Variants in HMGXB4 observed in about 807,000 individuals in gnomAD.
HMGXB4 encodes the protein HMG-box containing 4.
HMGXB4 carries 27 observed loss-of-function variants against 63.9 expected under a neutral mutation model. The ratio of observed to expected loss-of-function variants is 0.42; its 90% confidence interval spans 0.31 to 0.58. HMGXB4 has a LOEUF of 0.58. HMGXB4 is among the 20% of genes least tolerant of loss of function. The probability of loss-of-function intolerance (pLI) is 0.13; values close to 1 mark genes in which losing one functional copy is unlikely to be tolerated. For missense variants in HMGXB4, 624 were observed against 700.7 expected (o/e 0.89, Z 1.24); for synonymous variants, 264 against 265.3 (o/e 0.99, Z 0.05).
At chr22:35,253,144 A>G (rs4820188), upstream of HMGXB4, among the ~76,000 whole-genome samples, 28 of 125,346 alleles carry the variant, frequency 2.2e-4, no homozygotes, top group East Asian at 2.1e-3. Flanking sequence ...AAAAAAAAAA[A>G]AAAAAAGAAA....
intron 7 of HMGXB4, 22 bp from the exon 8 acceptor site, chr22:35,287,325 A>G (rs1298905989): frequency 1.9e-6 from 3 of 1,551,074 alleles, no homozygotes; most frequent in Non-Finnish European, 2.7e-6. Context: ...ATTTAATTTA[A>G]TGTTCACTGA....
chr22:35,268,991 T>C (rs1273695545), intron 5 of HMGXB4, among the ~76,000 whole-genome samples: 3 of 152,238 alleles, frequency 2.0e-5, no homozygotes, highest in African/African-American at 7.2e-5. Flanking sequence ...CTTGCTGTCT[T>C]ACTGCACTTA....
At chr22:35,257,824 G>A (rs933703962) in intron 1 of HMGXB4, among the ~76,000 whole-genome samples, 1 of 152,006 alleles carries the variant, frequency 6.6e-6, no homozygotes, top group African/African-American at 2.4e-5. Flanking sequence ...GGCCGGGAGG[G>A]GGCGTGCGGC....
intron 1 of HMGXB4, among the ~76,000 whole-genome samples, chr22:35,257,874 G>T (rs1455656772): frequency 6.6e-6 from 1 of 151,986 alleles, no homozygotes; most frequent in Non-Finnish European, 1.5e-5. Context: ...CCCTCCCCCT[G>T]CCCGGGCCGT....
intron 10 of HMGXB4, 122 bp downstream of exon 10, chr22:35,293,236 C>G: frequency 9.0e-7 from 1 of 1,112,814 alleles, no homozygotes; most frequent in Non-Finnish European, 1.3e-6. Flanking sequence ...ATCTGTTGGC[C>G]CATGGAACAT....
In HMGXB4 at chr22:35,272,891, G is replaced by A. The variant is rs374506830; in HGVS notation, c.1215+7288G>A. Among the ~76,000 whole-genome samples the A allele has an allele frequency of 4.2e-4, 64 of 152,314 alleles. No homozygotes were observed. In the East Asian group the frequency reaches 8.5e-3, roughly 20 times the overall value. ...GGAGGTTGCAGTGAGCCAAGATCAC[G>A]CCACTGCCCTCCAGCCTGGGCAACA... On this transcript the variant is annotated intron_variant, in intron 5 of 10. Transcript: ENST00000216106.
At chr22:35,293,272 G>A (rs541233381) in intron 10 of HMGXB4, among the ~76,000 whole-genome samples, 158 bp downstream of exon 10, 3 of 152,338 alleles carry the variant, frequency 2.0e-5, no homozygotes, top group African/African-American at 7.2e-5. Flanking sequence ...AATGCATGCT[G>A]TACTTTCACT....
chr22:35,247,097 G>T, the HMGXB4 span, among the ~76,000 whole-genome samples: 167 of 152,232 alleles, frequency 1.1e-3, no homozygotes, highest in Non-Finnish European at 2.1e-3. Context: ...CATGCCTGGT[G>T]ATTTTTTTAT....
rs758671856 is a variant in HMGXB4 at position 35,283,481 on chromosome 22, TA to T, written c.1216-479del. On this transcript the variant is annotated intron_variant, in intron 5 of 10. Transcript: ENST00000216106. ...CTGATGTTCATCTCTGAGTGGTAAG[TA>T]ACATGGATTAAAAATGTATTTTCCT... Among the ~76,000 whole-genome samples, 6 of 152,300 alleles carry T rather than the reference TA, an allele frequency of 3.9e-5. No homozygotes were observed. In the South Asian group the frequency reaches 6.2e-4, roughly 16 times the overall value.
At chr22:35,242,138 T>C in the HMGXB4 span, among the ~76,000 whole-genome samples, 6 of 152,216 alleles carry the variant, frequency 3.9e-5, no homozygotes, top group Non-Finnish European at 7.3e-5. Context: ...AAAATTCTTC[T>C]TTAAACATTT....
intron 5 of HMGXB4, among the ~76,000 whole-genome samples, chr22:35,273,903 C>T (rs1923750027): frequency 6.6e-6 from 1 of 152,184 alleles, no homozygotes; most frequent in South Asian, 2.1e-4. Flanking sequence ...TAGCACCCAG[C>T]CTACTTCACT....
At chr22:35,272,155 G>C (rs1164862286) in intron 5 of HMGXB4, among the ~76,000 whole-genome samples, 1 of 152,184 alleles carries the variant, frequency 6.6e-6, no homozygotes, top group African/African-American at 2.4e-5. Flanking sequence ...ATTTATATAA[G>C]AGAAGGAAGA....
At chr22:35,242,851 T>C in the HMGXB4 span, among the ~76,000 whole-genome samples, 1 of 152,240 alleles carries the variant, frequency 6.6e-6, no homozygotes, top group Non-Finnish European at 1.5e-5. Flanking sequence ...TACTTGTTCA[T>C]CTTTTTCAGA....
At chr22:35,280,663 G>T (rs1021068536) in intron 5 of HMGXB4, among the ~76,000 whole-genome samples, 2 of 152,124 alleles carry the variant, frequency 1.3e-5, no homozygotes, top group African/African-American at 4.8e-5. Context: ...TACTTGAATG[G>T]CATCTTCCGG....
At chr22:35,247,737 G>GGTTGGTTTGTTT in the HMGXB4 span, among the ~76,000 whole-genome samples, 1 of 151,650 alleles carries the variant, frequency 6.6e-6, no homozygotes, top group African/African-American at 2.4e-5. Flanking sequence ...TTTTTTTGCT[G>GGTTGGTTTGTTT]GTTTGTTTGT....
At chr22:35,253,593 G>C (rs1922276358), upstream of HMGXB4, among the ~76,000 whole-genome samples, 1 of 142,014 alleles carries the variant, frequency 7.0e-6, no homozygotes, top group Admixed American at 7.3e-5. Context: ...TCTTCTCTTG[G>C]ATTTTGTGCG....
At chr22:35,271,532 CTA>C (rs1232990896) in intron 5 of HMGXB4, among the ~76,000 whole-genome samples, 2 of 152,200 alleles carry the variant, frequency 1.3e-5, no homozygotes, top group Non-Finnish European at 1.5e-5. Flanking sequence ...ATTCCTGGCT[CTA>C]TTCACCCACT....
At chr22:35,253,132 CA>C (rs554912249), upstream of HMGXB4, among the ~76,000 whole-genome samples, 74 of 96,566 alleles carry the variant, frequency 7.7e-4, no homozygotes, top group East Asian at 2.7e-3. Context: ...AACTCCATCT[CA>C]AAAAAAAAAA....
intron 1 of HMGXB4, among the ~76,000 whole-genome samples, chr22:35,259,122 G>GT (rs1922670184): frequency 6.6e-6 from 1 of 152,174 alleles, no homozygotes; most frequent in Non-Finnish European, 1.5e-5. Context: ...ACCAGGGAAA[G>GT]AGCAACTCTG....
Sources: allele counts gnomAD v4.1 joint callset (sites outside exome capture counted in the v4.1 genomes callset), GRCh38; gene constraint gnomAD v4.1.1; transcripts MANE v1.5; gene names NCBI Gene and HGNC (gene_info 2026-07-23, HGNC 2026-07-21).